The following PLCB1 variants were observed in gnomAD, a reference collection of about 807,000 sequenced individuals.
The protein encoded by PLCB1 is phospholipase C beta 1, also known as 1-phosphatidylinositol 4,5-bisphosphate phosphodiesterase beta-1.
Under a neutral mutation model 161.8 loss-of-function variants are expected in PLCB1, and 46 were observed. The ratio of observed to expected loss-of-function variants is 0.28; its 90% CI spans 0.22 to 0.36. PLCB1 has a LOEUF of 0.36. PLCB1 is among the 10% of genes least tolerant of loss of function. PLCB1 has a pLI of 1.00. For missense variants in PLCB1, 1,016 were observed against 1,472.5 expected, an observed-to-expected ratio of 0.69 and a Z score of 5.07; for synonymous variants, 517 against 503.7, an observed-to-expected ratio of 1.03 and a Z score of -0.35.
intron 31 of PLCB1, among the ~76,000 whole-genome samples, chr20:8,798,598 CT>C (rs1568603988): frequency 1.3e-5 from 2 of 152,024 alleles, no homozygotes; most frequent in Admixed American, 6.6e-5. Context: ...ACACACACCC[CT>C]GGCCCAGGAG....
At chr20:8,867,201 G>C (rs990217671) in intron 31 of PLCB1, among the ~76,000 whole-genome samples, 1 of 152,100 alleles carries the variant, frequency 6.6e-6, no homozygotes, top group Admixed American at 6.5e-5. Flanking sequence ...CTAATCCTTG[G>C]TTAATCTTAA....
intron 3 of PLCB1, among the ~76,000 whole-genome samples, chr20:8,510,490 A>T (rs1460470357): frequency 6.7e-6 from 1 of 148,856 alleles, no homozygotes; most frequent in African/African-American, 2.5e-5. Flanking sequence ...GGTTCAAGCG[A>T]TTCTCCTGCC....
chr20:8,752,102 C>G (rs1981510040), intron 23 of PLCB1: 1 of 152,020 alleles, frequency 6.6e-6, no homozygotes, highest in African/African-American at 2.4e-5. Flanking sequence ...TGTACGGATG[C>G]CTTTTTAGTG....
chr20:8,462,868 G>A (rs957061893), intron 3 of PLCB1, among the ~76,000 whole-genome samples: 1 of 131,078 alleles, frequency 7.6e-6, no homozygotes, highest in Non-Finnish European at 1.7e-5. Flanking sequence ...GAGACCAGGT[G>A]ATCTATGGCT....
At chr20:8,294,313 G>A (rs570703620) in intron 2 of PLCB1, among the ~76,000 whole-genome samples, 11 of 151,988 alleles carry the variant, frequency 7.2e-5, no homozygotes, top group South Asian at 2.1e-4. Flanking sequence ...CATTAATCAC[G>A]AAAATGCAAA....
chr20:8,132,889 C>T lies in PLCB1; in HGVS notation c.99+139C>T, dbSNP rs1466129834. ...GGGCAGCCTCGGGCGCACAGGTTGGCATCTGCCAAAGCGGATGTCCAAGGG... is the reference window on the plus strand; with the variant it reads ...GGGCAGCCTCGGGCGCACAGGTTGGTATCTGCCAAAGCGGATGTCCAAGGG... On this transcript the variant is annotated intron_variant, in intron 1 of 31. Coordinates refer to ENST00000338037, the MANE Select transcript of PLCB1 (RefSeq NM_015192.4). The surrounding 1 kb of genome is among the most constrained non-coding windows in gnomAD (Gnocchi z 5.2). The T allele has an allele frequency of 1.5e-6, 1 of 646,894 alleles. No individual in the cohort carries two copies. Among genetic ancestry groups the T allele is most frequent in the Non-Finnish European group, 2.8e-6 (1 of 358,294 alleles). The allele number at this position is 646,894 out of a possible 1,614,324, so 40.1% of individuals were successfully genotyped here.
chr20:8,395,134 A>G (rs1987730802), intron 3 of PLCB1, among the ~76,000 whole-genome samples: 2 of 152,232 alleles, frequency 1.3e-5, no homozygotes, highest in East Asian at 3.9e-4. Flanking sequence ...TAAATTTAGT[A>G]AGAGTTTAAA....
chr20:8,429,885 C>T (rs755975554), intron 3 of PLCB1, among the ~76,000 whole-genome samples: 1 of 151,996 alleles, frequency 6.6e-6, no homozygotes, highest in African/African-American at 2.4e-5. Flanking sequence ...CTCTCAGGGG[C>T]TTTAACAGAT....
intron 14 of PLCB1, among the ~76,000 whole-genome samples, chr20:8,718,820 G>A (rs1444064630): frequency 6.6e-6 from 1 of 152,178 alleles, no homozygotes; most frequent in East Asian, 1.9e-4. Flanking sequence ...TTCATAATGG[G>A]AAATATTAAC....
intron 13 of PLCB1, among the ~76,000 whole-genome samples, 177 bp from the exon 14 acceptor site, chr20:8,717,494 T>A (rs750108828): frequency 1.3e-5 from 2 of 152,110 alleles, no homozygotes; most frequent in Non-Finnish European, 2.9e-5. Flanking sequence ...TGAAAATATA[T>A]CTTTGATATA....
At chr20:8,339,885 C>T (rs1415238725) in intron 2 of PLCB1, among the ~76,000 whole-genome samples, 1 of 152,160 alleles carries the variant, frequency 6.6e-6, no homozygotes, top group Non-Finnish European at 1.5e-5. Context: ...GGGAGGATCG[C>T]TTGAGGTCGG....
intron 2 of PLCB1, among the ~76,000 whole-genome samples, chr20:8,200,104 A>T (rs1184736001): frequency 6.6e-6 from 1 of 152,104 alleles, no homozygotes; most frequent in African/African-American, 2.4e-5. Context: ...TTGCATTACT[A>T]ATATCTTCTC....
chr20:8,589,451 T>A (rs75064796), intron 3 of PLCB1, among the ~76,000 whole-genome samples: 2 of 152,174 alleles, frequency 1.3e-5, no homozygotes, highest in East Asian at 3.9e-4. Context: ...ACAAATTTAT[T>A]TCTTACAGTA....
chr20:8,722,696 C>T (rs1186207291), intron 15 of PLCB1, among the ~76,000 whole-genome samples: 8 of 152,126 alleles, frequency 5.3e-5, no homozygotes, highest in Middle Eastern at 3.4e-3. Flanking sequence ...TTAGGCATCC[C>T]GAGTAACTTG....
intron 3 of PLCB1, among the ~76,000 whole-genome samples, chr20:8,610,372 T>G (rs1283479267): frequency 6.6e-6 from 1 of 152,230 alleles, no homozygotes; most frequent in African/African-American, 2.4e-5. Context: ...ATATTTGATT[T>G]TCCATTCATC....
intron 2 of PLCB1, among the ~76,000 whole-genome samples, chr20:8,356,294 C>T (rs1316623435): frequency 6.6e-6 from 1 of 152,096 alleles, no homozygotes; most frequent in Non-Finnish European, 1.5e-5. Flanking sequence ...GGTTCTCAAA[C>T]TTAAAAGTAT....
chr20:8,547,977 C>A (rs995542257), intron 3 of PLCB1, among the ~76,000 whole-genome samples: 3 of 152,052 alleles, frequency 2.0e-5, no homozygotes, highest in Non-Finnish European at 2.9e-5. Context: ...CTTAGTTATA[C>A]TTTTCCTCCA....
At chr20:8,334,583 A>G (rs992997296) in intron 2 of PLCB1, among the ~76,000 whole-genome samples, 3 of 152,264 alleles carry the variant, frequency 2.0e-5, no homozygotes, top group African/African-American at 4.8e-5. Context: ...TTTATTGGTC[A>G]AGTAAATAAC....
intron 26 of PLCB1, among the ~76,000 whole-genome samples, chr20:8,767,447 G>A (rs1012335028): frequency 4.6e-5 from 7 of 152,152 alleles, no homozygotes; most frequent in African/African-American, 1.7e-4. Flanking sequence ...ATGAAAACCT[G>A]TACTTTCTGC....
Sources: allele counts gnomAD v4.1 joint callset (sites outside exome capture counted in the v4.1 genomes callset), GRCh38; gene constraint gnomAD v4.1.1; non-coding constraint Gnocchi (gnomAD v3.1); transcripts MANE v1.5; gene names NCBI Gene and HGNC (gene_info 2026-07-23, HGNC 2026-07-21).